Variants in CNMD observed in about 807,000 individuals in gnomAD.
CNMD encodes the protein chondromodulin, also known as leukocyte cell-derived chemotaxin 1.
A neutral mutation model predicts 37.5 loss-of-function variants in CNMD; 30 were observed. The ratio of observed to expected loss-of-function variants is 0.80; its 90% CI spans 0.60 to 1.09. CNMD has a LOEUF of 1.09. Ranked by LOEUF, CNMD falls within the 50% of genes least tolerant of loss-of-function variation. CNMD has a pLI of 0.00. For missense variants in CNMD, 398 were observed against 423.9 expected, an observed-to-expected ratio of 0.94 and a Z score of 0.54; for synonymous variants, 167 against 148.2, an observed-to-expected ratio of 1.13 and a Z score of -0.92.
At chr13:52,708,780 C>T in intron 5 of CNMD, 78 bp from the exon 6 acceptor site, 1 of 1,228,524 alleles carries the variant, frequency 8.1e-7, no homozygotes, top group Non-Finnish European at 1.1e-6. Context: ...GGGTGAAAAA[C>T]ATAAGAAAAG....
At chr13:52,708,815 G>C (rs1964243069) in intron 5 of CNMD, 113 bp from the exon 6 acceptor site, 1 of 851,864 alleles carries the variant, frequency 1.2e-6, no homozygotes, top group Non-Finnish European at 1.8e-6. Context: ...TGCATAACCA[G>C]ATGGCTTAAA....
In CNMD at chr13:52,724,065, T is replaced by C. The variant is rs748086981; in HGVS notation, c.400A>G (p.Lys134Glu). 2 of 1,614,126 alleles carry C rather than the reference T, an allele frequency of 1.2e-6. No homozygotes were observed. The highest frequency in any genetic ancestry group is 2.2e-5 in the South Asian group (2 of 91,080). ...RFAGGEKCYIKAQVKARIPEV... is the reference protein window; with the variant it reads ...RFAGGEKCYIEAQVKARIPEV... ...GGAATACGAGCCTTCACTTGCGCTT[T>C]AATGTAGCACTTCTCTCCTCCAGCA... Residue 134 changes from lysine (K) to glutamate (E), a missense_variant, in exon 4 of 7, where the codon AAA (lysine) becomes GAA (glutamate). Physicochemically the swap from Lys to Glu is moderately conservative, Grantham distance 56. Coordinates refer to ENST00000377962, the MANE Select transcript of CNMD (RefSeq NM_007015.3).
intron 4 of CNMD, among the ~76,000 whole-genome samples, chr13:52,721,174 C>T (rs1284325046): frequency 6.6e-6 from 1 of 152,140 alleles, no homozygotes; most frequent in Non-Finnish European, 1.5e-5. Context: ...TGTCCCAGGT[C>T]GACTTCAAAC....
chr13:52,738,859 C>A (rs1319730106), intron 2 of CNMD, among the ~76,000 whole-genome samples, 172 bp downstream of exon 2: 1 of 152,216 alleles, frequency 6.6e-6, no homozygotes, highest in African/African-American at 2.4e-5. Context: ...TTTTCTACAA[C>A]GTTGACCTAA....
rs146360939 is a variant in CNMD at position 52,717,276 on chromosome 13, T to C, written c.469-4407A>G. 3.5e-4 allele frequency among the ~76,000 whole-genome samples: 54 copies of C among 152,340 alleles called. 1 individual carries two copies. In the East Asian group the frequency reaches 9.3e-3, roughly 26 times the overall value. On this transcript the variant is annotated intron_variant, in intron 4 of 6. Coordinates refer to ENST00000377962, the MANE Select transcript of CNMD (RefSeq NM_007015.3). The stretch of plus-strand genomic sequence containing the variant: ...ATGGAGTTTTCTAAATGTACAATCA[T>C]GTAATCTGCAAAATGAGACAATTTG...
At chr13:52,734,188 T>A (rs1319699606) in intron 2 of CNMD, among the ~76,000 whole-genome samples, 1 of 152,192 alleles carries the variant, frequency 6.6e-6, no homozygotes, top group African/African-American at 2.4e-5. Context: ...CTGGATCTTG[T>A]GAGTTGCCAC....
chr13:52,723,535 T>C (rs187705722), intron 4 of CNMD, among the ~76,000 whole-genome samples: 8 of 152,336 alleles, frequency 5.3e-5, no homozygotes, highest in Non-Finnish European at 1.0e-4. Flanking sequence ...GAAGAATCCC[T>C]TGACCCCAGT....
chr13:52,710,832 C>T (rs151087185), intron 5 of CNMD, among the ~76,000 whole-genome samples: 27 of 152,176 alleles, frequency 1.8e-4, no homozygotes, highest in Middle Eastern at 3.4e-3. Context: ...AATGTGGTCA[C>T]GCTATTGGGC....
chr13:52,724,676 C>T (rs553514149), intron 3 of CNMD, among the ~76,000 whole-genome samples: 31 of 152,236 alleles, frequency 2.0e-4, no homozygotes, highest in African/African-American at 7.2e-4. Flanking sequence ...GCGGGCAGAT[C>T]ACCTGAGGTC....
Position 52,739,580 on chromosome 13 carries a change from GATACTCAC to G in CNMD, c.72+42_72+49del, listed in dbSNP as rs1964849550. 1 of 1,516,926 alleles carries G rather than the reference GATACTCAC, an allele frequency of 6.6e-7. No homozygotes were observed. The highest frequency in any genetic ancestry group is 9.2e-7 in the Non-Finnish European group (1 of 1,091,544). 94.0% of individuals were successfully genotyped at this position (1,516,926 alleles called of 1,614,324 possible). ...CCCCTGAGTCCGAACTGTGGAACCT[GATACTCAC>G]ACAACCCAGGCCCTGCGTGTGGAAT... On this transcript the variant is annotated intron_variant, in intron 1 of 6. Transcript: ENST00000377962. This position sits in a 1 kb window ranked among gnomAD's most constrained non-coding sequence, Gnocchi z 5.4.
At position 52,739,255 on chromosome 13, in the gene CNMD, G is replaced by T; in HGVS notation, c.73-84C>A. The T allele has an allele frequency of 7.2e-7, 1 of 1,384,420 alleles. No homozygotes were observed. Among genetic ancestry groups the T allele is most frequent in the Non-Finnish European group, 9.4e-7 (1 of 1,065,894 alleles). 85.8% of individuals were successfully genotyped at this position (1,384,420 alleles called of 1,614,324 possible). On this transcript the variant is annotated intron_variant, in intron 1 of 6. Coordinates refer to ENST00000377962, the MANE Select transcript of CNMD (RefSeq NM_007015.3). The surrounding 1 kb of genome is among the most constrained non-coding windows in gnomAD (Gnocchi z 5.4). ...CAGCGCACCCGGGCCCCACGCGGTA[G>T]CCCCCAGGGAGTGGGGAGTCGGGCG...
chr13:52,703,726 G>C lies in CNMD; in HGVS notation c.874C>G (p.His292Asp). ...AGGGGTTCACAGATCTTCTGGCAGT[G>C]GGTGTAGCTCCGCCTACATTCTATA... is the stretch of plus-strand genomic sequence containing the variant. ...CCIECRRSYTHCQKICEPLGG... is the reference protein window; with the variant it reads ...CCIECRRSYTDCQKICEPLGG... The change falls in exon 7 of 7, where the codon CAC (histidine) becomes GAC (aspartate). Residue 292 changes from histidine (H) to aspartate (D), a missense_variant. Transcript: ENST00000377962. The C allele has an allele frequency of 6.2e-7, 1 of 1,614,168 alleles. No homozygotes were observed.
intron 5 of CNMD, 100 bp from the exon 6 acceptor site, chr13:52,708,802 TTG>T (rs1964242719): frequency 9.7e-7 from 1 of 1,027,552 alleles, no homozygotes; most frequent in African/African-American, 1.6e-5. Flanking sequence ...ATATCAAAAT[TTG>T]TGCATAACCA....
chr13:52,704,447 A>G (rs1964141664), intron 6 of CNMD, among the ~76,000 whole-genome samples: 2 of 58,788 alleles, frequency 3.4e-5, no homozygotes, highest in Non-Finnish European at 6.5e-5. Context: ...TTTGCCTTCT[A>G]GTTTTTTATG....
At chr13:52,732,006 C>T (rs1430103759) in intron 3 of CNMD, among the ~76,000 whole-genome samples, 4 of 152,196 alleles carry the variant, frequency 2.6e-5, no homozygotes, top group Non-Finnish European at 5.9e-5. Flanking sequence ...GGGCAGAGAC[C>T]ATTCTGAACA....
At chr13:52,711,517 A>C (rs374971260) in intron 5 of CNMD, among the ~76,000 whole-genome samples, 5 of 152,302 alleles carry the variant, frequency 3.3e-5, no homozygotes, top group African/African-American at 1.2e-4. Flanking sequence ...TGTGGTCTCC[A>C]GCTGTTTCTC....
At position 52,739,291 on chromosome 13, in the gene CNMD, C is replaced by T. The variant is rs551790973; in HGVS notation, c.73-120G>A. ...GTGGGGAGTCGGGCGGGAAACAGCT[C>T]GCCCGGGCTCCTACGGGTGCCCCTT... On this transcript the variant is annotated intron_variant, in intron 1 of 6. Coordinates refer to ENST00000377962, the MANE Select transcript of CNMD (RefSeq NM_007015.3). This position sits in a 1 kb window ranked among gnomAD's most constrained non-coding sequence, Gnocchi z 5.4. 10 of 1,218,254 alleles carry T rather than the reference C, an allele frequency of 8.2e-6. No individual in the cohort carries two copies. The South Asian group carries it at 1.3e-4, about 16-fold the overall frequency. 75.5% of individuals were successfully genotyped at this position (1,218,254 alleles called of 1,614,324 possible).
intron 3 of CNMD, among the ~76,000 whole-genome samples, chr13:52,725,277 G>T (rs1311201261): frequency 6.6e-6 from 1 of 152,014 alleles, no homozygotes; most frequent in Non-Finnish European, 1.5e-5. Context: ...CTTTTTTGGT[G>T]ACCCCACAAA....
chr13:52,726,052 A>G (rs1964567288), intron 3 of CNMD, among the ~76,000 whole-genome samples: 1 of 152,214 alleles, frequency 6.6e-6, no homozygotes, highest in Non-Finnish European at 1.5e-5. Context: ...TCCCAGCACT[A>G]CTGCTCACTC....
Sources: allele counts gnomAD v4.1 joint callset (sites outside exome capture counted in the v4.1 genomes callset), GRCh38; gene constraint gnomAD v4.1.1; non-coding constraint Gnocchi (gnomAD v3.1); transcripts MANE v1.5; gene names NCBI Gene and HGNC (gene_info 2026-07-23, HGNC 2026-07-21).